The following P2RY2 variants were observed in gnomAD, a reference collection of about 807,000 sequenced individuals.
P2RY2 encodes the protein P2Y purinoceptor 2.
For synonymous variants in P2RY2, 241 were observed against 231.9 expected (o/e 1.04, Z -0.35); for missense variants, 567 against 515.7 (o/e 1.10, Z -0.96).
intron 1 of P2RY2, among the ~76,000 whole-genome samples, chr11:73,219,541 T>C (rs749792670): frequency 1.2e-4 from 19 of 152,176 alleles, no homozygotes; most frequent in Non-Finnish European, 2.5e-4. Context: ...GGCTCACAGC[T>C]TGGGGATGGG....
At chr11:73,221,107 C>T (rs868698714) in intron 1 of P2RY2, among the ~76,000 whole-genome samples, 2 of 152,186 alleles carry the variant, frequency 1.3e-5, no homozygotes, top group African/African-American at 4.8e-5. Context: ...GAATGTGACA[C>T]TTGTAGACTT....
chr11:73,240,407 C>T lies in P2RY2; in HGVS notation c.*5114C>T, dbSNP rs1370094222. The T allele has an allele frequency of 6.5e-6, 1 of 153,720 alleles. No individual in the cohort carries two copies. Among genetic ancestry groups the T allele is most frequent in the Non-Finnish European group, 1.4e-5 (1 of 69,266 alleles). The allele number at this position is 153,720 out of a possible 1,614,324, so 9.5% of individuals were successfully genotyped here. On this transcript the variant is annotated 3_prime_UTR_variant, in exon 3 of 3. Coordinates refer to ENST00000393597, the MANE Select transcript of P2RY2 (RefSeq NM_002564.4). ...GCCCCTAGTTTCCAAGCCTCTTTGC[C>T]CTGCTCCTCACCTCCTGGCCCTGCT...
chr11:73,232,856 T>A (rs933501450), intron 2 of P2RY2, among the ~76,000 whole-genome samples: 1 of 152,160 alleles, frequency 6.6e-6, no homozygotes, highest in African/African-American at 2.4e-5. Flanking sequence ...CCAACCTGCC[T>A]CCTGGGACGT....
chr11:73,235,004 A>G lies in P2RY2; in HGVS notation c.845A>G (p.Asn282Ser). 6.2e-7 allele frequency: 1 copy of G among 1,608,906 alleles called. No homozygotes were observed. The highest frequency in any genetic ancestry group is 8.5e-7 in the Non-Finnish European group (1 of 1,179,932). Residue 282 changes from asparagine to serine, a missense_variant, in exon 3 of 3, where the codon AAC (asparagine) becomes AGC (serine). Physicochemically the swap from Asn to Ser is conservative, Grantham distance 46. Transcript: ENST00000393597. ...RSLDLSCHTL[N>S]AINMAYKVTR... ...CTGGACCTCAGCTGCCACACCCTCA[A>G]CGCCATCAACATGGCCTACAAGGTT...
At position 73,235,068 on chromosome 11, in the gene P2RY2, C is replaced by T. The variant is rs1297516755; in HGVS notation, c.909C>T (p.Pro303=). Residue 303 remains proline, a synonymous_variant, in exon 3 of 3, where the codon CCC becomes CCT. Transcript: ENST00000393597. ...CCAGTGCTAACAGTTGCCTTGACCCCGTGCTCTACTTCCTGGCTGGGCAGA... is the reference window on the plus strand; with the variant it reads ...CCAGTGCTAACAGTTGCCTTGACCCTGTGCTCTACTTCCTGGCTGGGCAGA... ...PLASANSCLD[P]VLYFLAGQRL... 1.2e-6 allele frequency: 2 copies of T among 1,608,088 alleles called. No homozygotes were observed. The highest frequency in any genetic ancestry group is 1.7e-6 in the Non-Finnish European group (2 of 1,179,606).
Position 73,239,768 on chromosome 11 carries a change from T to C in P2RY2, c.*4475T>C, listed in dbSNP as rs929770557. 1 of 152,448 alleles carries C rather than the reference T, an allele frequency of 6.6e-6. No homozygotes were observed. Among genetic ancestry groups the C allele is most frequent in the African/African-American group, 2.4e-5 (1 of 41,430 alleles). The allele number at this position is 152,448 out of a possible 1,614,324, so 9.4% of individuals were successfully genotyped here. The stretch of plus-strand genomic sequence containing the variant: ...ACAACCAACAGCTGCTCCCCGGGCA[T>C]TTCCAAGACCCTCCAGGCCCCCAGC... On this transcript the variant is annotated 3_prime_UTR_variant, in exon 3 of 3. Transcript: ENST00000393597.
In P2RY2 at chr11:73,235,067, C is replaced by A; in HGVS notation, c.908C>A (p.Pro303His). Residue 303 changes from proline to histidine, a missense_variant, in exon 3 of 3, where the codon CCC (proline) becomes CAC (histidine). Physicochemically the swap from Pro to His is moderately conservative, Grantham distance 77. Coordinates refer to ENST00000393597, the MANE Select transcript of P2RY2 (RefSeq NM_002564.4). ...GCCAGTGCTAACAGTTGCCTTGACC[C>A]CGTGCTCTACTTCCTGGCTGGGCAG... ...PLASANSCLD[P>H]VLYFLAGQRL... is the part of the protein sequence containing the mutation. 6.2e-7 allele frequency: 1 copy of A among 1,608,090 alleles called. No individual in the cohort carries two copies. The highest frequency in any genetic ancestry group is 1.7e-5 in the Admixed American group (1 of 60,014).
chr11:73,232,701 G>A (rs777230563), intron 2 of P2RY2, among the ~76,000 whole-genome samples: 5 of 152,248 alleles, frequency 3.3e-5, no homozygotes, highest in South Asian at 2.1e-4. Flanking sequence ...GAGCCACCGC[G>A]CCCGGCCTAA....
In P2RY2 at chr11:73,238,749, G is replaced by A. The variant is rs1862712899; in HGVS notation, c.*3456G>A. Among the ~76,000 whole-genome samples the A allele has an allele frequency of 6.6e-6, 1 of 152,228 alleles. No individual in the cohort carries two copies. The highest frequency in any genetic ancestry group is 1.5e-5 in the Non-Finnish European group (1 of 68,040). ...CAGGTTATCCAGGCTGTCAGGGTGA[G>A]TCAGAGTGAGTCCAGGTTCACCTGA... is the stretch of plus-strand genomic sequence containing the variant. On this transcript the variant is annotated 3_prime_UTR_variant, in exon 3 of 3. Coordinates refer to ENST00000393597, the MANE Select transcript of P2RY2 (RefSeq NM_002564.4).
chr11:73,223,909 T>C (rs769446472), intron 1 of P2RY2, among the ~76,000 whole-genome samples: 3 of 152,122 alleles, frequency 2.0e-5, no homozygotes, highest in Non-Finnish European at 4.4e-5. Flanking sequence ...TCTTTAGAGG[T>C]CTTGGCTTTC....
intron 1 of P2RY2, among the ~76,000 whole-genome samples, chr11:73,223,427 C>T (rs938055435): frequency 3.3e-5 from 5 of 152,124 alleles, no homozygotes; most frequent in African/African-American, 1.2e-4. Flanking sequence ...GTCATGGGCT[C>T]CTGAATTTCA....
At chr11:73,232,998 G>A (rs561922490) in intron 2 of P2RY2, among the ~76,000 whole-genome samples, 1 of 152,296 alleles carries the variant, frequency 6.6e-6, no homozygotes, top group Admixed American at 6.5e-5. Flanking sequence ...GGCACTCACT[G>A]TCTGTTGGAT....
intron 1 of P2RY2, among the ~76,000 whole-genome samples, chr11:73,224,385 C>T (rs1373365922): frequency 2.6e-5 from 4 of 152,344 alleles, no homozygotes; most frequent in Non-Finnish European, 5.9e-5. Context: ...CACCTGACTC[C>T]TCGTCTTCCA....
Position 73,234,237 on chromosome 11 carries a change from C to G in P2RY2, c.78C>G (p.Arg26=), listed in dbSNP as rs770223818. ...WDGDELGYRC[R]FNEDFKYVLL... is the part of the protein sequence containing the mutation. ...GGGATGAGCTGGGCTACAGGTGCCGCTTCAACGAGGACTTCAAGTACGTGC... is the reference window on the plus strand; with the variant it reads ...GGGATGAGCTGGGCTACAGGTGCCGGTTCAACGAGGACTTCAAGTACGTGC... The change falls in exon 3 of 3, where the codon CGC becomes CGG. Residue 26 remains arginine (R), a synonymous_variant. Coordinates refer to ENST00000393597, the MANE Select transcript of P2RY2 (RefSeq NM_002564.4). The G allele has an allele frequency of 6.2e-7, 1 of 1,614,194 alleles. No individual in the cohort carries two copies. Among genetic ancestry groups the G allele is most frequent in the Non-Finnish European group, 8.5e-7 (1 of 1,180,036 alleles).
intron 1 of P2RY2, among the ~76,000 whole-genome samples, chr11:73,221,642 G>C (rs1862118874): frequency 1.3e-5 from 2 of 152,162 alleles, no homozygotes; most frequent in South Asian, 4.1e-4. Flanking sequence ...TCCCCAAACT[G>C]CTTTCTGTAG....
At chr11:73,229,544 A>G (rs752831510) in intron 2 of P2RY2, among the ~76,000 whole-genome samples, 3 of 151,682 alleles carry the variant, frequency 2.0e-5, no homozygotes, top group Non-Finnish European at 2.9e-5. Flanking sequence ...GGAAAGATAT[A>G]CTCACAGGTT....
At chr11:73,231,385 A>G (rs1321348239) in intron 2 of P2RY2, among the ~76,000 whole-genome samples, 2 of 70,940 alleles carry the variant, frequency 2.8e-5, no homozygotes, top group Non-Finnish European at 4.0e-5. Context: ...ATCTCTACTA[A>G]AAAATACAAA....
chr11:73,229,089 T>C (rs1434566096), intron 2 of P2RY2, among the ~76,000 whole-genome samples: 4 of 152,050 alleles, frequency 2.6e-5, no homozygotes, highest in African/African-American at 9.7e-5. Context: ...GAGAAAAGCA[T>C]CAGATGGACC....
chr11:73,234,697 C>T lies in P2RY2; in HGVS notation c.538C>T (p.Arg180Cys). The T allele has an allele frequency of 6.2e-7, 1 of 1,605,104 alleles. No homozygotes were observed. The change falls in exon 3 of 3, where the codon CGC (arginine) becomes TGC (cysteine). Residue 180 changes from arginine to cysteine, a missense_variant. Transcript: ENST00000393597. ...YFVTTSARGG[R>C]VTCHDTSAPE... ...TGTCACCACCAGCGCGCGCGGGGGC[C>T]GCGTAACCTGCCACGACACCTCGGC...
Sources: allele counts gnomAD v4.1 joint callset (sites outside exome capture counted in the v4.1 genomes callset), GRCh38; gene constraint gnomAD v4.1.1; transcripts MANE v1.5; gene names NCBI Gene and HGNC (gene_info 2026-07-23, HGNC 2026-07-21).